Variants in CHN1 observed in about 807,000 individuals in gnomAD.
CHN1 encodes the protein N-chimaerin.
In CHN1, 37 loss-of-function variants were observed where a neutral mutation model predicts 59.5. That is an observed-to-expected ratio of 0.62 (90% confidence interval 0.48 to 0.82). CHN1 has a LOEUF of 0.82. Among genes scored for constraint, CHN1 ranks in the 40% least tolerant of loss-of-function variants. CHN1 has a pLI of 0.00. For missense variants in CHN1, 469 were observed against 571.0 expected, an observed-to-expected ratio of 0.82 and a Z score of 1.82; for synonymous variants, 206 against 200.4, an observed-to-expected ratio of 1.03 and a Z score of -0.24.
chr2:174,953,111 C>A (rs1031215260), intron 1 of CHN1, among the ~76,000 whole-genome samples: 9 of 151,462 alleles, frequency 5.9e-5, no homozygotes, highest in Non-Finnish European at 1.0e-4. Context: ...CTGCTGGAAA[C>A]CAACATGAAC....
At chr2:174,829,949 CT>C (rs1401457683) in intron 7 of CHN1, among the ~76,000 whole-genome samples, 2 of 152,144 alleles carry the variant, frequency 1.3e-5, no homozygotes, top group African/African-American at 4.8e-5. Flanking sequence ...TGGTCTTAAA[CT>C]TTTTGGTCCA....
intron 1 of CHN1, among the ~76,000 whole-genome samples, chr2:174,997,423 T>C (rs927089728): frequency 7.2e-5 from 11 of 152,222 alleles, no homozygotes; most frequent in Admixed American, 5.2e-4. Flanking sequence ...TTTTACTACT[T>C]TAAGACTGTT....
intron 1 of CHN1, among the ~76,000 whole-genome samples, chr2:174,992,804 C>CTT (rs111718948): frequency 4.8e-5 from 7 of 146,280 alleles, no homozygotes; most frequent in Non-Finnish European, 9.1e-5. Context: ...TATCTAATCA[C>CTT]TTTTTTTTTT....
chr2:174,833,735 T>C (rs1370635271), intron 7 of CHN1, among the ~76,000 whole-genome samples: 4 of 152,296 alleles, frequency 2.6e-5, no homozygotes, highest in Non-Finnish European at 2.9e-5. Context: ...TCCATTTATC[T>C]CCACTGTTAG....
intron 5 of CHN1, among the ~76,000 whole-genome samples, chr2:174,882,596 C>T (rs1687770227): frequency 6.6e-6 from 1 of 152,182 alleles, no homozygotes; most frequent in Non-Finnish European, 1.5e-5. Context: ...TCCAAGCTAA[C>T]AGATGTTTTG....
intron 5 of CHN1, among the ~76,000 whole-genome samples, chr2:174,894,916 ACT>A (rs1428949163): frequency 1.3e-5 from 2 of 151,658 alleles, no homozygotes; most frequent in Non-Finnish European, 2.9e-5. Context: ...TTGCCCCTTC[ACT>A]CTCTGTCTCT....
rs1559019642 is a variant in CHN1, at chr2:175,005,073, G to A, written c.-161C>T. The A allele has an allele frequency of 1.5e-6, 2 of 1,338,084 alleles. No individual in the cohort carries two copies. Among genetic ancestry groups the A allele is most frequent in the Non-Finnish European group, 1.9e-6 (2 of 1,042,880 alleles). 82.9% of individuals were successfully genotyped at this position (1,338,084 alleles called of 1,614,324 possible). A position where few individuals can be genotyped will look rare whatever the true frequency, so the allele number is the denominator to read the frequency against. The stretch of plus-strand genomic sequence containing the variant: ...CGGGGAGGCTGCAGGCCGGGACGCG[G>A]GGGACCGCTGCAAGAAAAAGTTATT... On this transcript the variant is annotated 5_prime_UTR_variant, in exon 1 of 13. Transcript: ENST00000409900.
chr2:174,847,654 G>C (rs1370921976), intron 6 of CHN1: 2 of 1,319,310 alleles, frequency 1.5e-6, no homozygotes, highest in East Asian at 4.3e-5. Flanking sequence ...ATTGGCCACC[G>C]TAAGAAAGGA....
Position 174,998,868 on chromosome 2 carries a change from C to A in CHN1, c.19+6026G>T, listed in dbSNP as rs200642322. On this transcript the variant is annotated intron_variant, in intron 1 of 12. Coordinates refer to ENST00000409900, the MANE Select transcript of CHN1 (RefSeq NM_001822.7). ...AAACCATTCTTTTCTTCTATCTAAT[C>A]TTTGTTTTTAAAGCTCAGGTGGTTT... is the stretch of plus-strand genomic sequence containing the variant. 5.3e-5 allele frequency among the ~76,000 whole-genome samples: 8 copies of A among 152,138 alleles called. No homozygotes were observed. The East Asian group carries it at 1.5e-3, about 29-fold the overall frequency.
At chr2:174,866,798 A>G (rs1277488161) in intron 6 of CHN1, among the ~76,000 whole-genome samples, 1 of 152,232 alleles carries the variant, frequency 6.6e-6, no homozygotes, top group African/African-American at 2.4e-5. Flanking sequence ...TATTCAGCAA[A>G]TTCAGAAAAA....
At chr2:174,862,144 A>C (rs1267476622) in intron 6 of CHN1, among the ~76,000 whole-genome samples, 1 of 152,160 alleles carries the variant, frequency 6.6e-6, no homozygotes, top group Non-Finnish European at 1.5e-5. Flanking sequence ...GTTTTAAAAA[A>C]AACTTGCCTA....
At chr2:174,976,322 C>T (rs556167857) in intron 1 of CHN1, among the ~76,000 whole-genome samples, 18 of 151,932 alleles carry the variant, frequency 1.2e-4, no homozygotes, top group African/African-American at 4.1e-4. Flanking sequence ...ACTGCAACCT[C>T]CGCCTCCCGG....
chr2:174,802,193 G>C (rs1558928955), intron 11 of CHN1: 1 of 210,194 alleles, frequency 4.8e-6, no homozygotes, highest in African/African-American at 2.3e-5. Context: ...AATACTTATA[G>C]AATGGTACAT....
In CHN1 at chr2:174,996,962, T is replaced by C. The variant is rs115563174; in HGVS notation, c.19+7932A>G. 6.4e-3 allele frequency among the ~76,000 whole-genome samples: 975 copies of C among 152,298 alleles called. 15 individuals are homozygous for C. The highest frequency in any genetic ancestry group is 0.022 in the African/African-American group (926 of 41,564). On this transcript the variant is annotated intron_variant, in intron 1 of 12. Coordinates refer to ENST00000409900, the MANE Select transcript of CHN1 (RefSeq NM_001822.7). ...GAGGCCTACCCCCTCTCCCCCGACA[T>C]TGTGAGACAGGTAACCCCTTACCCC...
intron 1 of CHN1, among the ~76,000 whole-genome samples, chr2:175,004,624 G>T (rs1167750873): frequency 6.6e-6 from 1 of 152,162 alleles, no homozygotes; most frequent in South Asian, 2.1e-4. Context: ...GAGAATCTTT[G>T]TGCGTTTGCA....
chr2:174,992,432 C>A (rs1691572878), intron 1 of CHN1, among the ~76,000 whole-genome samples: 1 of 152,102 alleles, frequency 6.6e-6, no homozygotes, highest in South Asian at 2.1e-4. Flanking sequence ...ACAGAACAAA[C>A]TGAAGCATAG....
At chr2:174,853,047 T>G (rs1315023988) in intron 6 of CHN1, among the ~76,000 whole-genome samples, 3 of 152,152 alleles carry the variant, frequency 2.0e-5, no homozygotes, top group African/African-American at 7.2e-5. Context: ...AAAGAATTTT[T>G]GTGTAATCCC....
chr2:174,935,327 C>T (rs973101916), intron 3 of CHN1, among the ~76,000 whole-genome samples: 4 of 152,196 alleles, frequency 2.6e-5, no homozygotes, highest in Non-Finnish European at 5.9e-5. Flanking sequence ...ATGGTAGCCC[C>T]TCCAAGAATG....
intron 3 of CHN1, among the ~76,000 whole-genome samples, chr2:174,941,145 C>G (rs1043720374): frequency 6.6e-6 from 1 of 152,126 alleles, no homozygotes; most frequent in African/African-American, 2.4e-5. Flanking sequence ...TGGTAGGAAA[C>G]TTTCAAATAG....
Sources: allele counts gnomAD v4.1 joint callset (sites outside exome capture counted in the v4.1 genomes callset), GRCh38; gene constraint gnomAD v4.1.1; transcripts MANE v1.5; gene names NCBI Gene and HGNC (gene_info 2026-07-23, HGNC 2026-07-21).